The following PAPSS1 variants were observed in gnomAD, a reference collection of about 807,000 sequenced individuals.
The protein encoded by PAPSS1 is 3'-phosphoadenosine 5'-phosphosulfate synthase 1.
A neutral mutation model predicts 72.0 loss-of-function variants in PAPSS1; 50 were observed. The ratio of observed to expected loss-of-function variants is 0.69; its 90% CI spans 0.55 to 0.88. The LOEUF is 0.88. Among genes scored for constraint, PAPSS1 ranks in the 40% least tolerant of loss-of-function variants. PAPSS1 has a pLI of 0.00. For missense variants in PAPSS1, 657 were observed against 782.2 expected (o/e 0.84, Z 1.91); for synonymous variants, 261 against 263.6 (o/e 0.99, Z 0.09).
intron 11 of PAPSS1, among the ~76,000 whole-genome samples, chr4:107,615,738 C>T (rs765248111): frequency 2.0e-4 from 31 of 152,188 alleles, no homozygotes; most frequent in Admixed American, 2.6e-4. Flanking sequence ...AAACTATATA[C>T]AAACATTGCT....
chr4:107,631,440 A>C (rs1316054729), intron 11 of PAPSS1, among the ~76,000 whole-genome samples, 191 bp downstream of exon 11: 1 of 152,202 alleles, frequency 6.6e-6, no homozygotes, highest in Admixed American at 6.5e-5. Flanking sequence ...TGAAACCATG[A>C]AACTAGATTC....
intron 1 of PAPSS1, 93 bp from the exon 2 acceptor site, chr4:107,701,378 A>G: frequency 1.3e-6 from 1 of 777,722 alleles, no homozygotes; most frequent in South Asian, 1.7e-5. Flanking sequence ...TCTATGTAAC[A>G]TGCCAAAAGC....
intron 1 of PAPSS1, among the ~76,000 whole-genome samples, chr4:107,705,933 T>C (rs1400594493): frequency 2.6e-5 from 4 of 152,222 alleles, no homozygotes; most frequent in African/African-American, 9.6e-5. Context: ...TTGAATACAG[T>C]ATTCTTTGTT....
chr4:107,662,886 G>C (rs1727221998), intron 5 of PAPSS1, among the ~76,000 whole-genome samples: 1 of 152,110 alleles, frequency 6.6e-6, no homozygotes, highest in African/African-American at 2.4e-5. Flanking sequence ...GAAAATAAAA[G>C]TTCAGAGTCA....
At chr4:107,707,124 G>A (rs1723358355) in intron 1 of PAPSS1, among the ~76,000 whole-genome samples, 1 of 152,192 alleles carries the variant, frequency 6.6e-6, no homozygotes, top group Non-Finnish European at 1.5e-5. Flanking sequence ...TTAAGTATGG[G>A]GTTGCAGCAG....
chr4:107,698,622 A>T (rs1206439338), intron 2 of PAPSS1, among the ~76,000 whole-genome samples: 2 of 152,210 alleles, frequency 1.3e-5, no homozygotes, highest in East Asian at 3.8e-4. Context: ...ACTGTGGGGA[A>T]AAGTACTGTG....
intron 5 of PAPSS1, among the ~76,000 whole-genome samples, chr4:107,680,818 A>G (rs1484710692): frequency 1.3e-5 from 2 of 152,270 alleles, no homozygotes; most frequent in Admixed American, 1.3e-4. Context: ...AGAAACCTAG[A>G]AGGCAGAGAT....
chr4:107,705,271 C>T (rs1313533391), intron 1 of PAPSS1, among the ~76,000 whole-genome samples: 4 of 152,176 alleles, frequency 2.6e-5, no homozygotes, highest in Admixed American at 2.0e-4. Flanking sequence ...AATCTCATCT[C>T]GAACTGTAAT....
chr4:107,668,512 C>T (rs1248722509), intron 5 of PAPSS1, among the ~76,000 whole-genome samples: 1 of 152,118 alleles, frequency 6.6e-6, no homozygotes, highest in Admixed American at 6.6e-5. Context: ...GGCTAGGAAA[C>T]CCAGACCCAT....
At chr4:107,622,944 G>A (rs1726006386) in intron 11 of PAPSS1, among the ~76,000 whole-genome samples, 1 of 152,154 alleles carries the variant, frequency 6.6e-6, no homozygotes, top group Admixed American at 6.5e-5. Context: ...TTATGTATTT[G>A]ATAAGAAAAA....
chr4:107,664,822 T>C (rs1333571379), intron 5 of PAPSS1, among the ~76,000 whole-genome samples: 2 of 152,226 alleles, frequency 1.3e-5, no homozygotes, highest in African/African-American at 4.8e-5. Context: ...TTTATCAATG[T>C]GCTACTTTAC....
intron 3 of PAPSS1, among the ~76,000 whole-genome samples, chr4:107,692,631 C>T (rs747534235): frequency 6.6e-6 from 1 of 152,138 alleles, no homozygotes; most frequent in Non-Finnish European, 1.5e-5. Context: ...AATCCCAGTA[C>T]TGAGTATATA....
chr4:107,699,260 TA>T (rs944951400), intron 2 of PAPSS1, among the ~76,000 whole-genome samples: 1 of 148,894 alleles, frequency 6.7e-6, no homozygotes, highest in African/African-American at 2.5e-5. Context: ...TAGACAACAC[TA>T]AGAGCCAAAA....
chr4:107,685,994 C>CGTTTTGTTTTT (rs1368308566), intron 4 of PAPSS1, among the ~76,000 whole-genome samples: 1 of 152,044 alleles, frequency 6.6e-6, no homozygotes, highest in African/African-American at 2.4e-5. Context: ...TGTTTTGTTT[C>CGTTTTGTTTTT]GTTTTGTTTT....
At chr4:107,648,705 A>C (rs923937040) in intron 9 of PAPSS1, among the ~76,000 whole-genome samples, 1 of 152,198 alleles carries the variant, frequency 6.6e-6, no homozygotes, top group Non-Finnish European at 1.5e-5. Flanking sequence ...TGATTTTCCT[A>C]AATCAATATA....
chr4:107,670,259 A>G lies in PAPSS1; in HGVS notation c.670-10187T>C, dbSNP rs114514919. 6.8e-3 allele frequency among the ~76,000 whole-genome samples: 1,031 copies of G among 152,322 alleles called. 11 individuals carry two copies. Among genetic ancestry groups the G allele is most frequent in the African/African-American group, 0.022 (919 of 41,576 alleles). On this transcript the variant is annotated intron_variant, in intron 5 of 11. Coordinates refer to ENST00000265174, the MANE Select transcript of PAPSS1 (RefSeq NM_005443.5). ...ATAATATCCTTGAATGAAACTGTCC[A>G]ATCATCAGATTGTCTAGCAAGCATA...
intron 5 of PAPSS1, among the ~76,000 whole-genome samples, chr4:107,662,678 T>G (rs1727215046): frequency 6.6e-6 from 1 of 152,078 alleles, no homozygotes; most frequent in Admixed American, 6.5e-5. Context: ...TTTTAATATA[T>G]GTATTTTAAA....
intron 3 of PAPSS1, among the ~76,000 whole-genome samples, chr4:107,693,466 A>G (rs921661399): frequency 1.3e-5 from 2 of 152,218 alleles, no homozygotes; most frequent in Non-Finnish European, 2.9e-5. Flanking sequence ...AGTATTCACT[A>G]TAGTTTTATT....
chr4:107,627,177 A>G (rs948892099), intron 11 of PAPSS1, among the ~76,000 whole-genome samples: 1 of 152,256 alleles, frequency 6.6e-6, no homozygotes, highest in African/African-American at 2.4e-5. Flanking sequence ...AAGAGACCAC[A>G]GTAATGAAAC....
Sources: gnomAD v4.1 joint callset for allele counts (sites outside exome capture counted in the v4.1 genomes callset) on GRCh38, gnomAD v4.1.1 for gene constraint, MANE v1.5 for transcripts, NCBI Gene and HGNC (gene_info 2026-07-23, HGNC 2026-07-21) for gene names.